The following ADAMTSL1 variants were observed in gnomAD, a reference collection of about 807,000 sequenced individuals.
The protein encoded by ADAMTSL1 is ADAMTS like 1.
ADAMTSL1 carries 126 observed loss-of-function variants against 201.8 expected under a neutral mutation model. That is an observed-to-expected ratio of 0.62 (90% confidence interval 0.54 to 0.72). The LOEUF (loss-of-function observed/expected upper bound fraction) is 0.72, where lower values mean the gene tolerates loss of function less well. Ranked by LOEUF, ADAMTSL1 falls within the 30% of genes least tolerant of loss-of-function variation. The pLI, the probability that ADAMTSL1 is intolerant of heterozygous loss-of-function variation, is 0.00. For synonymous variants in ADAMTSL1, 1,121 were observed against 903.4 expected, an observed-to-expected ratio of 1.24 and a Z score of -4.32; for missense variants, 2,679 against 2,277.8, an observed-to-expected ratio of 1.18 and a Z score of -3.59.
chr9:18,791,553 G>A (rs1822056741), intron 19 of ADAMTSL1, among the ~76,000 whole-genome samples: 1 of 152,084 alleles, frequency 6.6e-6, no homozygotes, highest in Non-Finnish European at 1.5e-5. Context: ...AAAAACATGA[G>A]ATTCTACTTC....
intron 5 of ADAMTSL1, among the ~76,000 whole-genome samples, chr9:18,624,801 A>C (rs1407959916): frequency 6.6e-6 from 1 of 152,160 alleles, no homozygotes; most frequent in African/African-American, 2.4e-5. Flanking sequence ...TCTGCAAATA[A>C]ATACCTCAAT....
At position 18,808,160 on chromosome 9, in the gene ADAMTSL1, G is replaced by A. The variant is rs1019311194; in HGVS notation, c.3806-8949G>A. On this transcript the variant is annotated intron_variant, in intron 20 of 28. Transcript: ENST00000380548. ...TAAAGAAAAACTAAAAGAGTACAATGTATTGAATATCAAACCTGCCTCCAT... is the reference window on the plus strand; with the variant it reads ...TAAAGAAAAACTAAAAGAGTACAATATATTGAATATCAAACCTGCCTCCAT... 1.6e-4 allele frequency among the ~76,000 whole-genome samples: 25 copies of A among 152,208 alleles called. 1 individual carries two copies. The highest frequency in any genetic ancestry group is 2.8e-4 in the Non-Finnish European group (19 of 68,022).
rs546638453 is a variant in ADAMTSL1 at position 18,639,924 on chromosome 9, C to A, written c.834+513C>A. ...AAAACACATTGCTGGAAGCAACATG[C>A]ACATTCTGCTGGAAAAGTGCACACA... is the stretch of plus-strand genomic sequence containing the variant. On this transcript the variant is annotated intron_variant, in intron 7 of 28. Coordinates refer to ENST00000380548, the MANE Select transcript of ADAMTSL1 (RefSeq NM_001040272.6). Among the ~76,000 whole-genome samples the A allele has an allele frequency of 2.0e-5, 3 of 152,258 alleles. No homozygotes were observed. The South Asian group carries it at 6.2e-4, about 32-fold the overall frequency.
At chr9:18,118,743 T>A (rs1180104039) in intron 1 of ADAMTSL1, among the ~76,000 whole-genome samples, 1 of 152,210 alleles carries the variant, frequency 6.6e-6, no homozygotes, top group Non-Finnish European at 1.5e-5. Context: ...GCATTGTCAG[T>A]TTGACACAGA....
chr9:18,003,675 C>T (rs945882979), intron 1 of ADAMTSL1, among the ~76,000 whole-genome samples: 10 of 152,038 alleles, frequency 6.6e-5, no homozygotes, highest in African/African-American at 2.4e-4. Flanking sequence ...AACATCATGA[C>T]CTTTCTTTGA....
intron 26 of ADAMTSL1, 93 bp from the exon 27 acceptor site, chr9:18,905,689 C>T: frequency 1.1e-6 from 1 of 933,820 alleles, no homozygotes; most frequent in Non-Finnish European, 1.7e-6. Flanking sequence ...ACAAGACCTA[C>T]ACAAGGATCG....
intron 2 of ADAMTSL1, among the ~76,000 whole-genome samples, chr9:18,522,751 T>A (rs188601872): frequency 2.0e-3 from 298 of 152,124 alleles, no homozygotes; most frequent in African/African-American, 6.9e-3. Flanking sequence ...TTCATCCATG[T>A]CCCTACATAG....
chr9:18,101,578 C>T (rs1252075366), intron 1 of ADAMTSL1, among the ~76,000 whole-genome samples: 1 of 151,960 alleles, frequency 6.6e-6, no homozygotes, highest in Non-Finnish European at 1.5e-5. Flanking sequence ...CCCCTGGTAG[C>T]ACATTCCCAT....
chr9:18,117,355 T>C (rs1248380180), intron 1 of ADAMTSL1, among the ~76,000 whole-genome samples: 2 of 152,154 alleles, frequency 1.3e-5, no homozygotes, highest in African/African-American at 4.8e-5. Context: ...TCCTACCGCC[T>C]TCACCCTCGC....
chr9:18,753,888 T>G (rs1301993980), intron 16 of ADAMTSL1, among the ~76,000 whole-genome samples: 1 of 152,204 alleles, frequency 6.6e-6, no homozygotes, highest in Non-Finnish European at 1.5e-5. Flanking sequence ...TGTTTAAAAT[T>G]CTAAGAAATA....
chr9:18,335,256 C>G (rs1049134709), intron 2 of ADAMTSL1, among the ~76,000 whole-genome samples: 1 of 152,090 alleles, frequency 6.6e-6, no homozygotes, highest in Non-Finnish European at 1.5e-5. Flanking sequence ...TGGGTTAAGA[C>G]AGGCAGCAGG....
intron 13 of ADAMTSL1, among the ~76,000 whole-genome samples, chr9:18,690,355 G>C (rs374114844): frequency 6.6e-6 from 1 of 151,770 alleles, no homozygotes; most frequent in African/African-American, 2.4e-5. Flanking sequence ...TAAGTGGCTA[G>C]AAATTTTAAT....
chr9:18,694,561 G>T (rs149914400), intron 13 of ADAMTSL1, among the ~76,000 whole-genome samples: 63 of 152,116 alleles, frequency 4.1e-4, no homozygotes, highest in Non-Finnish European at 8.2e-4. Context: ...CCAGCAGGGC[G>T]GTCATTAAAT....
intron 1 of ADAMTSL1, among the ~76,000 whole-genome samples, chr9:18,096,151 T>A (rs1417570652): frequency 6.6e-6 from 1 of 152,234 alleles, no homozygotes; most frequent in Admixed American, 6.5e-5. Flanking sequence ...AACAGCATCA[T>A]GTAAGTAATA....
chr9:18,164,201 G>C (rs1563777798), intron 2 of ADAMTSL1, among the ~76,000 whole-genome samples: 1 of 151,872 alleles, frequency 6.6e-6, no homozygotes, highest in Non-Finnish European at 1.5e-5. Context: ...TTTTACTCAA[G>C]CGTTAAAGTT....
chr9:18,745,792 A>G (rs972250510), intron 15 of ADAMTSL1, among the ~76,000 whole-genome samples: 1 of 152,162 alleles, frequency 6.6e-6, no homozygotes, highest in African/African-American at 2.4e-5. Context: ...TCCACTTCAC[A>G]TATTTGTAAC....
chr9:18,470,450 G>A (rs906696435), upstream of ADAMTSL1, among the ~76,000 whole-genome samples: 4 of 152,214 alleles, frequency 2.6e-5, no homozygotes, highest in East Asian at 1.9e-4. Context: ...CAGGGAAATC[G>A]AACTTCACTG....
chr9:18,357,180 A>G (rs2133057815), intron 2 of ADAMTSL1, among the ~76,000 whole-genome samples: 1 of 152,318 alleles, frequency 6.6e-6, no homozygotes, highest in South Asian at 2.1e-4. Context: ...TCTAGAGTAT[A>G]TGCCCTAATC....
chr9:17,971,826 A>G (rs963883109), intron 1 of ADAMTSL1, among the ~76,000 whole-genome samples: 1 of 151,932 alleles, frequency 6.6e-6, no homozygotes, highest in Non-Finnish European at 1.5e-5. Context: ...ATTATTTTAT[A>G]TGGGGAAAAA....
Sources: gnomAD v4.1 joint callset for allele counts (sites outside exome capture counted in the v4.1 genomes callset) on GRCh38, gnomAD v4.1.1 for gene constraint, MANE v1.5 for transcripts, NCBI Gene and HGNC (gene_info 2026-07-23, HGNC 2026-07-21) for gene names.